The following KLF12 variants were observed in gnomAD, a reference collection of about 807,000 sequenced individuals.
KLF12 encodes Krueppel-like factor 12.
In KLF12, 9 loss-of-function variants were observed where a neutral mutation model predicts 37.8. The observed-to-expected ratio is 0.24, with a 90% CI of 0.14 to 0.42. KLF12 has a LOEUF of 0.42. KLF12 is among the 10% of genes least tolerant of loss of function. The pLI is 1.00. For missense variants in KLF12, 411 were observed against 516.0 expected (o/e 0.80, Z 1.97); for synonymous variants, 208 against 202.1 (o/e 1.03, Z -0.25).
the KLF12 span, among the ~76,000 whole-genome samples, chr13:74,185,867 C>A: frequency 2.0e-5 from 3 of 152,128 alleles, no homozygotes; most frequent in Non-Finnish European, 4.4e-5. Flanking sequence ...TGGTCTTGAA[C>A]TCCTGACCTC....
intron 1 of KLF12, among the ~76,000 whole-genome samples, chr13:73,996,746 C>G (rs1254214573): frequency 1.3e-5 from 2 of 152,160 alleles, no homozygotes; most frequent in Non-Finnish European, 2.9e-5. Flanking sequence ...CTCCTCTGGA[C>G]AGACACAAAG....
At chr13:73,704,697 C>G (rs952684273) in intron 7 of KLF12, among the ~76,000 whole-genome samples, 2 of 152,086 alleles carry the variant, frequency 1.3e-5, no homozygotes, top group African/African-American at 4.8e-5. Flanking sequence ...CTTGTTGGCC[C>G]CATAGTACCC....
At chr13:74,210,812 C>T in the KLF12 span, among the ~76,000 whole-genome samples, 14 of 152,182 alleles carry the variant, frequency 9.2e-5, no homozygotes, top group Non-Finnish European at 1.6e-4. Context: ...GCCTCAGATC[C>T]AGTGTTCTCT....
the KLF12 span, among the ~76,000 whole-genome samples, chr13:74,298,440 A>T: frequency 6.6e-6 from 1 of 152,168 alleles, no homozygotes; most frequent in Non-Finnish European, 1.5e-5. Context: ...CTGCGTTTCA[A>T]ATGCTCCACA....
the KLF12 span, among the ~76,000 whole-genome samples, chr13:74,280,934 C>T: frequency 6.7e-6 from 1 of 150,006 alleles, no homozygotes; most frequent in Non-Finnish European, 1.5e-5. Flanking sequence ...AATCAGATAG[C>T]CACTACTTTT....
chr13:73,748,805 C>T (rs112190838), intron 6 of KLF12, among the ~76,000 whole-genome samples: 1,748 of 152,246 alleles, frequency 0.011, 13 homozygotes, highest in South Asian at 0.035. Context: ...ATTTGCTTAA[C>T]GCCAAAAGCC....
At chr13:74,042,628 C>T (rs543295937) in intron 1 of KLF12, among the ~76,000 whole-genome samples, 7 of 152,170 alleles carry the variant, frequency 4.6e-5, no homozygotes, top group African/African-American at 1.4e-4. Context: ...ATTGACTCAA[C>T]GACTTAATGG....
chr13:73,807,362 G>A (rs899713431), intron 5 of KLF12, among the ~76,000 whole-genome samples: 21 of 151,602 alleles, frequency 1.4e-4, no homozygotes, highest in Non-Finnish European at 2.5e-4. Context: ...GTCTGAGGAA[G>A]CAATAGGGTA....
chr13:74,008,859 G>A (rs1892479056), intron 1 of KLF12, among the ~76,000 whole-genome samples: 1 of 152,224 alleles, frequency 6.6e-6, no homozygotes, highest in Admixed American at 6.5e-5. Context: ...CTCATTCCCA[G>A]TAGCTCCCAA....
chr13:73,951,724 C>T (rs955802077), intron 2 of KLF12, among the ~76,000 whole-genome samples: 5 of 152,212 alleles, frequency 3.3e-5, no homozygotes, highest in African/African-American at 1.2e-4. Flanking sequence ...ACTTCCCCAA[C>T]CCCATTGTCC....
At position 73,957,689 on chromosome 13, in the gene KLF12, T is replaced by C. The variant is rs113607437; in HGVS notation, c.34-13619A>G. Among the ~76,000 whole-genome samples, 198 of 152,258 alleles carry C rather than the reference T, an allele frequency of 1.3e-3. 1 individual carries two copies. The highest frequency in any genetic ancestry group is 4.4e-3 in the African/African-American group (183 of 41,538). ...ATCAAGAACAAAATATTTCACAATA[T>C]GAACTGAAATATAAACCTGTTTATA... On this transcript the variant is annotated intron_variant, in intron 2 of 7. Coordinates refer to ENST00000377669, the MANE Select transcript of KLF12 (RefSeq NM_007249.5).
chr13:73,927,672 A>C (rs1411951168), intron 3 of KLF12, among the ~76,000 whole-genome samples: 1 of 140,902 alleles, frequency 7.1e-6, no homozygotes, highest in Non-Finnish European at 1.5e-5. Context: ...CACCTCCTGG[A>C]GTTCAAGCAA....
chr13:74,090,413 A>T (rs1875578983), intron 1 of KLF12, among the ~76,000 whole-genome samples: 1 of 152,098 alleles, frequency 6.6e-6, no homozygotes, highest in African/African-American at 2.4e-5. Flanking sequence ...CCCATATCAG[A>T]GTGGTACATA....
chr13:73,837,580 C>T (rs1415439852), intron 4 of KLF12, among the ~76,000 whole-genome samples: 1 of 152,128 alleles, frequency 6.6e-6, no homozygotes, highest in Non-Finnish European at 1.5e-5. Context: ...CATGGGCTGC[C>T]TGCCTTTCTC....
At chr13:73,867,208 A>G (rs9543479) in intron 3 of KLF12, among the ~76,000 whole-genome samples, 114,676 of 151,940 alleles carry the variant, frequency 0.75, 46,215 homozygotes, top group Non-Finnish European at 0.92. Context: ...ACTCTTAAAT[A>G]TAAGAAAATA....
At chr13:73,818,390 C>G (rs1883350740) in intron 4 of KLF12, among the ~76,000 whole-genome samples, 1 of 152,152 alleles carries the variant, frequency 6.6e-6, no homozygotes, top group African/African-American at 2.4e-5. Context: ...GTATGGTCAC[C>G]CAAAGGTATA....
chr13:74,114,918 C>T (rs1475099973), intron 1 of KLF12, among the ~76,000 whole-genome samples: 5 of 152,166 alleles, frequency 3.3e-5, no homozygotes, highest in Admixed American at 1.3e-4. Context: ...CCCCAACCCC[C>T]GGGGCCATGG....
At chr13:73,917,364 A>G (rs1365515169) in intron 3 of KLF12, among the ~76,000 whole-genome samples, 3 of 152,216 alleles carry the variant, frequency 2.0e-5, no homozygotes, top group African/African-American at 7.2e-5. Flanking sequence ...TGCCTAGATC[A>G]GTGGTCACCA....
At chr13:73,742,302 A>G (rs1878058955) in intron 6 of KLF12, among the ~76,000 whole-genome samples, 1 of 152,230 alleles carries the variant, frequency 6.6e-6, no homozygotes, top group Non-Finnish European at 1.5e-5. Flanking sequence ...AACTGAACCA[A>G]GTCTCTGAAA....
Sources: allele counts gnomAD v4.1 joint callset (sites outside exome capture counted in the v4.1 genomes callset), GRCh38; gene constraint gnomAD v4.1.1; transcripts MANE v1.5; gene names NCBI Gene and HGNC (gene_info 2026-07-23, HGNC 2026-07-21).